The following KCP variants were observed in gnomAD, a reference collection of about 807,000 sequenced individuals.
KCP encodes the protein kielin/chordin-like protein.
In KCP, 194 loss-of-function variants were observed where a neutral mutation model predicts 212.7. The ratio of observed to expected loss-of-function variants is 0.91; its 90% CI spans 0.81 to 1.03. The LOEUF (loss-of-function observed/expected upper bound fraction) is 1.03. Ranked by LOEUF, KCP falls within the 50% of genes least tolerant of loss-of-function variation. The pLI is 0.00. For synonymous variants in KCP, 833 were observed against 865.3 expected (o/e 0.96, Z 0.65); for missense variants, 2,080 against 2,162.5 (o/e 0.96, Z 0.76).
chr7:128,881,982 T>A lies in KCP; in HGVS notation c.3279A>T (p.Gly1093=). Residue 1093 remains glycine, a synonymous_variant, in exon 30 of 40, where the codon GGA becomes GGT. Coordinates refer to ENST00000610776, the MANE Select transcript of KCP (RefSeq NM_001366122.1). The part of the protein sequence containing the change: ...ALSNCSEGLL[G]SELAPPDPCY... The stretch of plus-strand genomic sequence containing the variant: ...AGGGGTCTGGTGGGGCTAGCTCAGA[T>A]CCCAGCAGGCCCTCTGAACAGTTAC... 6.4e-7 allele frequency: 1 copy of A among 1,551,132 alleles called. No homozygotes were observed. Among genetic ancestry groups the A allele is most frequent in the Non-Finnish European group, 8.7e-7 (1 of 1,146,924 alleles).
At position 128,877,206 on chromosome 7, in the gene KCP, T is replaced by G; in HGVS notation, c.4724A>C (p.His1575Pro). The G allele has an allele frequency of 6.8e-7, 1 of 1,475,746 alleles. No individual in the cohort carries two copies. Among genetic ancestry groups the G allele is most frequent in the Non-Finnish European group, 9.0e-7 (1 of 1,113,742 alleles). The allele number at this position is 1,475,746 out of a possible 1,614,324, so 91.4% of individuals were successfully genotyped here. Residue 1575 changes from histidine (H) to proline (P), a missense_variant, in exon 40 of 40, where the codon CAC (histidine) becomes CCC (proline). Physicochemically the swap from His to Pro is moderately conservative, Grantham distance 77. Transcript: ENST00000610776. Reference protein sequence around the residue: ...QHIPLGELAAHCVRPCVPGCQ... With the variant: ...QHIPLGELAAPCVRPCVPGCQ... Reference sequence around the variant, plus strand: ...GCCGGGCACGCAGGGCCTCACGCAGTGGGCTGCCAGCTCCCCCAGGGGGAT... The same window carrying G: ...GCCGGGCACGCAGGGCCTCACGCAGGGGGCTGCCAGCTCCCCCAGGGGGAT...
chr7:128,891,887 G>T, intron 16 of KCP, 68 bp from the exon 17 acceptor site: 1 of 1,235,206 alleles, frequency 8.1e-7, no homozygotes, highest in Non-Finnish European at 1.1e-6. Context: ...CTGGAGTCCA[G>T]AGCCGCCACA....
chr7:128,876,992 G>T lies in KCP; in HGVS notation c.*51C>A. On this transcript the variant is annotated 3_prime_UTR_variant, in exon 40 of 40. Coordinates refer to ENST00000610776, the MANE Select transcript of KCP (RefSeq NM_001366122.1). ...GCCCTAACCAGGGTGGGAACTGCTC[G>T]CCAAGGGGAGACTCCTGGCCTGATG... The T allele has an allele frequency of 6.6e-7, 1 of 1,522,236 alleles. No individual in the cohort carries two copies. The highest frequency in any genetic ancestry group is 8.8e-7 in the Non-Finnish European group (1 of 1,138,626). 94.3% of individuals were successfully genotyped at this position (1,522,236 alleles called of 1,614,324 possible).
At chr7:128,905,661 G>A (rs538657950) in intron 5 of KCP, among the ~76,000 whole-genome samples, 19 of 152,134 alleles carry the variant, frequency 1.2e-4, no homozygotes, top group Non-Finnish European at 7.3e-5. Context: ...CATGCCACAC[G>A]CTGCTTCAGC....
intron 37 of KCP, 75 bp from the exon 38 acceptor site, chr7:128,878,797 C>T (rs1793145272): frequency 1.4e-6 from 2 of 1,435,548 alleles, no homozygotes; most frequent in African/African-American, 2.8e-5. Context: ...ATCATGGCCC[C>T]AGGCACTGTG....
Position 128,893,315 on chromosome 7 carries a change from C to T in KCP, c.1190G>A (p.Gly397Asp). 2 of 1,551,496 alleles carry T rather than the reference C, an allele frequency of 1.3e-6. No homozygotes were observed. The highest frequency in any genetic ancestry group is 2.4e-5 in the South Asian group (2 of 84,060). ...GLCVRCSCQA[G>D]EVSCEEQECP... is the part of the protein sequence containing the mutation. Reference sequence around the variant, plus strand: ...CTCCTGCTCCTCACAGGAGACCTCGCCAGCCTAGGAGGGAAGCAGGTGAGA... The same window carrying T: ...CTCCTGCTCCTCACAGGAGACCTCGTCAGCCTAGGAGGGAAGCAGGTGAGA... The change falls in exon 13 of 40, where the codon GGC (glycine) becomes GAC (aspartate). Residue 397 changes from glycine to aspartate, a missense_variant. Gly to Asp is a moderately conservative substitution (Grantham distance 94). Coordinates refer to ENST00000610776, the MANE Select transcript of KCP (RefSeq NM_001366122.1).
chr7:128,902,892 G>T (rs746520428), intron 7 of KCP, 33 bp from the exon 8 acceptor site: 117 of 1,505,262 alleles, frequency 7.8e-5, no homozygotes, highest in Non-Finnish European at 9.4e-5. Flanking sequence ...AGGGAGGCCT[G>T]GTGGGAGCTG....
At chr7:128,904,642 C>T (rs1288497430) in intron 5 of KCP, among the ~76,000 whole-genome samples, 1 of 152,232 alleles carries the variant, frequency 6.6e-6, no homozygotes, top group East Asian at 1.9e-4. Flanking sequence ...GATTCCTTTA[C>T]CTGGCAGGTG....
intron 29 of KCP, 31 bp downstream of exon 29, chr7:128,883,971 A>G: frequency 6.5e-7 from 1 of 1,541,198 alleles, no homozygotes; most frequent in Non-Finnish European, 8.7e-7. Flanking sequence ...CTAACCTCAT[A>G]TCTCATCTAC....
Position 128,877,106 on chromosome 7 carries a change from G to C in KCP, c.4824C>G (p.Leu1608=). The change falls in exon 40 of 40, where the codon CTC becomes CTG. Residue 1608 remains leucine, a synonymous_variant. Coordinates refer to ENST00000610776, the MANE Select transcript of KCP (RefSeq NM_001366122.1). ...GAGCACCAAGTGGCTGGTCTCCAGT[G>C]AGCAGGACTTGGGGGCAGGCCTCGG... ...IPPEACPQVL[L]TGDQPLGARP... 1 of 1,517,754 alleles carries C rather than the reference G, an allele frequency of 6.6e-7. No individual in the cohort carries two copies. The highest frequency in any genetic ancestry group is 8.8e-7 in the Non-Finnish European group (1 of 1,136,608). 94.0% of individuals were successfully genotyped at this position (1,517,754 alleles called of 1,614,324 possible).
rs1329097733 is a variant in KCP at position 128,886,790 on chromosome 7, G to C, written c.2690-53C>G. 3.3e-6 allele frequency: 5 copies of C among 1,520,856 alleles called. No individual in the cohort carries two copies. The Admixed American group carries it at 5.9e-5, about 18-fold the overall frequency. 94.2% of individuals were successfully genotyped at this position (1,520,856 alleles called of 1,614,324 possible). ...GGGCCTGTGCCACCCTGCCCTGCTC[G>C]GCCCAGCCTTAGGCCTGGCAGGAAG... On this transcript the variant is annotated intron_variant, in intron 24 of 39. Transcript: ENST00000610776.
At chr7:128,888,355 G>A (rs1325667142) in intron 22 of KCP, among the ~76,000 whole-genome samples, 9 of 83,752 alleles carry the variant, frequency 1.1e-4, no homozygotes, top group Admixed American at 4.5e-4. Context: ...CACATACACA[G>A]ATACACCCAA....
intron 16 of KCP, among the ~76,000 whole-genome samples, chr7:128,892,286 A>G (rs1219237915): frequency 6.6e-6 from 1 of 152,206 alleles, no homozygotes; most frequent in East Asian, 1.9e-4. Flanking sequence ...AGAAGAGGAA[A>G]TGGAGCATGG....
At position 128,894,232 on chromosome 7, in the gene KCP, G is replaced by C; in HGVS notation, c.893C>G (p.Pro298Arg). 6.5e-7 allele frequency: 1 copy of C among 1,540,592 alleles called. No individual in the cohort carries two copies. The highest frequency in any genetic ancestry group is 1.2e-5 in the South Asian group (1 of 82,828). ...CASLCPYPAR[P>R]LPGTCCPVCD... ...CACAGGGCAGCAGGTGCCTGGGAGG[G>C]GCCGGGCTGGGTATGGACACAGGCT... is the stretch of plus-strand genomic sequence containing the variant. Residue 298 changes from proline (P) to arginine (R), a missense_variant, in exon 9 of 40, where the codon CCC becomes CGC. Transcript: ENST00000610776.
chr7:128,908,608 G>C lies in KCP; in HGVS notation c.77-40C>G, dbSNP rs574166138. On this transcript the variant is annotated intron_variant, in intron 1 of 39. Transcript: ENST00000610776. ...AATCCCATGTGGGCCTGAGGGTGAGGGGCTGGCCTGGCCACATTTTCTGGG... is the reference window on the plus strand; with the variant it reads ...AATCCCATGTGGGCCTGAGGGTGAGCGGCTGGCCTGGCCACATTTTCTGGG... 2.2e-3 allele frequency: 3,319 copies of C among 1,530,956 alleles called. 7 individuals carry two copies. Among genetic ancestry groups the C allele is most frequent in the Non-Finnish European group, 2.2e-3 (2,470 of 1,133,008 alleles). The allele number at this position is 1,530,956 out of a possible 1,614,324, so 94.8% of individuals were successfully genotyped here. A position where few individuals can be genotyped will look rare whatever the true frequency, so the allele number is the denominator to read the frequency against.
chr7:128,900,972 T>A (rs1794810079), intron 8 of KCP, among the ~76,000 whole-genome samples: 1 of 152,214 alleles, frequency 6.6e-6, no homozygotes, highest in Non-Finnish European at 1.5e-5. Context: ...CATTCCCAGA[T>A]GGTTAGGCAT....
At position 128,879,576 on chromosome 7, in the gene KCP, C is replaced by T. The variant is rs1793189879; in HGVS notation, c.4092G>A (p.Leu1364=). The T allele has an allele frequency of 1.3e-6, 2 of 1,550,460 alleles. No homozygotes were observed. The highest frequency in any genetic ancestry group is 1.7e-6 in the Non-Finnish European group (2 of 1,146,990). ...CAGTGTGTCCTCGCAGCTCCACATA[C>T]AGCAGCGGCTCCTGCAGGAAGGGCA... The part of the protein sequence containing the change: ...VALPFLQEPL[L]YVELRGHTVI... Residue 1364 remains leucine (L), a synonymous_variant, in exon 37 of 40, where the codon CTG becomes CTA. Transcript: ENST00000610776.
At chr7:128,898,462 A>G (rs568760659) in intron 8 of KCP, among the ~76,000 whole-genome samples, 27 of 152,342 alleles carry the variant, frequency 1.8e-4, no homozygotes, top group Admixed American at 7.8e-4. Context: ...GTCAGACCTT[A>G]TTCTGCACTT....
chr7:128,908,251 G>GGAAGAAAGAAAGA (rs1554420450), intron 2 of KCP, among the ~76,000 whole-genome samples, 175 bp downstream of exon 2: 1 of 101,212 alleles, frequency 9.9e-6, no homozygotes, highest in Non-Finnish European at 2.0e-5. Flanking sequence ...AAGAAAGAAA[G>GGAAGAAAGAAAGA]AAGAAAGAAA....
Sources: allele counts gnomAD v4.1 joint callset (sites outside exome capture counted in the v4.1 genomes callset), GRCh38; gene constraint gnomAD v4.1.1; transcripts MANE v1.5; gene names NCBI Gene and HGNC (gene_info 2026-07-23, HGNC 2026-07-21).